TMPRSS12: variants seen among roughly 807,000 people sequenced by gnomAD.
TMPRSS12 encodes transmembrane protease serine 12.
Under a neutral mutation model 26.0 loss-of-function variants are expected in TMPRSS12, and 25 were observed. That is an observed-to-expected ratio of 0.96 (90% CI 0.70 to 1.34). The LOEUF is 1.34. Among genes scored for constraint, TMPRSS12 ranks in the 40% most tolerant of loss-of-function variants. TMPRSS12 has a pLI of 0.00. For missense variants in TMPRSS12, 441 were observed against 440.1 expected (o/e 1.00, Z -0.02); for synonymous variants, 150 against 161.7 (o/e 0.93, Z 0.55).
At chr12:50,872,962 T>C (rs1223216057) in intron 3 of TMPRSS12, among the ~76,000 whole-genome samples, 1 of 150,114 alleles carries the variant, frequency 6.7e-6, no homozygotes, top group Non-Finnish European at 1.5e-5. Flanking sequence ...CGTATATATA[T>C]GTACATATAT....
At chr12:50,857,264 G>A (rs1460140401) in intron 2 of TMPRSS12, among the ~76,000 whole-genome samples, 1 of 151,992 alleles carries the variant, frequency 6.6e-6, no homozygotes, top group Non-Finnish European at 1.5e-5. Context: ...AAATTTCTGT[G>A]GTAAATATTT....
At chr12:50,876,201 T>A (rs1352062279) in intron 3 of TMPRSS12, among the ~76,000 whole-genome samples, 1 of 152,116 alleles carries the variant, frequency 6.6e-6, no homozygotes, top group Non-Finnish European at 1.5e-5. Context: ...CATAATGAGA[T>A]ACTATCTCAC....
intron 3 of TMPRSS12, among the ~76,000 whole-genome samples, chr12:50,863,248 C>G (rs894365350): frequency 6.6e-6 from 1 of 151,984 alleles, no homozygotes; most frequent in Non-Finnish European, 1.5e-5. Context: ...AGTAGACTTA[C>G]AGCAGAGAAG....
intron 3 of TMPRSS12, among the ~76,000 whole-genome samples, chr12:50,868,322 CA>C (rs1179510528): frequency 1.3e-5 from 2 of 152,070 alleles, no homozygotes; most frequent in African/African-American, 2.4e-5. Flanking sequence ...TGCAAATGGA[CA>C]CCAAAAGAGA....
At chr12:50,882,630 CAAAACGAAT>C (rs1458733543) in intron 3 of TMPRSS12, among the ~76,000 whole-genome samples, 1 of 25,010 alleles carries the variant, frequency 4.0e-5, no homozygotes, top group East Asian at 1.5e-3. Context: ...AGTACTTAGA[CAAAACGAAT>C]AAATTCCTTT....
rs963759979 is a variant in TMPRSS12 at position 50,887,794 on chromosome 12, T to C, written c.*281T>C. ...TTCAGTTAAACATATATTTTATGTG[T>C]ATAAATGCCAAATAATAGTTTATAA... On this transcript the variant is annotated 3_prime_UTR_variant, in exon 5 of 5. Coordinates refer to ENST00000398458, the MANE Select transcript of TMPRSS12 (RefSeq NM_182559.3). 21 of 233,262 alleles carry C rather than the reference T, an allele frequency of 9.0e-5. No individual in the cohort carries two copies. Among genetic ancestry groups the C allele is most frequent in the Non-Finnish European group, 1.5e-4 (18 of 122,574 alleles). The allele number at this position is 233,262 out of a possible 1,614,324, so 14.4% of individuals were successfully genotyped here.
chr12:50,882,002 T>A (rs1452079750), intron 3 of TMPRSS12, among the ~76,000 whole-genome samples: 11 of 11,930 alleles, frequency 9.2e-4, no homozygotes, highest in African/African-American at 1.4e-3. Flanking sequence ...AAAAAAAATA[T>A]ATATATATAT....
intron 3 of TMPRSS12, among the ~76,000 whole-genome samples, chr12:50,876,673 G>A (rs36027108): frequency 0.27 from 41,366 of 151,660 alleles, 6,171 homozygotes; most frequent in South Asian, 0.34. Flanking sequence ...GTGTGGTGGC[G>A]GGCGCCTGTA....
intron 3 of TMPRSS12, among the ~76,000 whole-genome samples, chr12:50,873,721 G>A (rs1938088613): frequency 6.6e-6 from 1 of 152,184 alleles, no homozygotes; most frequent in Non-Finnish European, 1.5e-5. Context: ...GGATAAGTTT[G>A]CTACTGGCAT....
At chr12:50,883,116 G>T (rs1460786010) in intron 3 of TMPRSS12, among the ~76,000 whole-genome samples, 1 of 152,120 alleles carries the variant, frequency 6.6e-6, no homozygotes, top group Admixed American at 6.6e-5. Context: ...CTTGCTTGAG[G>T]CCAGGAGTTC....
intron 3 of TMPRSS12, among the ~76,000 whole-genome samples, chr12:50,881,874 G>A (rs1024757561): frequency 1.8e-4 from 27 of 147,874 alleles, no homozygotes; most frequent in Admixed American, 5.4e-4. Flanking sequence ...GGGAGGCTGG[G>A]GCAGGAGAAT....
intron 2 of TMPRSS12, among the ~76,000 whole-genome samples, chr12:50,850,773 G>A (rs860476): frequency 0.65 from 98,502 of 151,950 alleles, 32,232 homozygotes; most frequent in Non-Finnish European, 0.7. Context: ...GCCACTGCCC[G>A]GACAAAGTGC....
At chr12:50,844,581 G>T (rs367760527) in intron 2 of TMPRSS12, among the ~76,000 whole-genome samples, 2 of 151,948 alleles carry the variant, frequency 1.3e-5, no homozygotes, top group Non-Finnish European at 2.9e-5. Context: ...CACCATGTTG[G>T]CCAGGCTGGT....
chr12:50,864,841 A>G (rs1937975521), intron 3 of TMPRSS12, among the ~76,000 whole-genome samples: 1 of 151,802 alleles, frequency 6.6e-6, no homozygotes, highest in South Asian at 2.1e-4. Context: ...GTGTGTTTTT[A>G]GTAGAGACAG....
intron 3 of TMPRSS12, among the ~76,000 whole-genome samples, chr12:50,876,758 C>A (rs1232892846): frequency 4.4e-5 from 6 of 135,440 alleles, no homozygotes; most frequent in Admixed American, 4.1e-4. Flanking sequence ...GAGCAGAGAT[C>A]GTGCCACTGC....
At chr12:50,867,890 G>T (rs1368697785) in intron 3 of TMPRSS12, among the ~76,000 whole-genome samples, 1 of 152,136 alleles carries the variant, frequency 6.6e-6, no homozygotes, top group African/African-American at 2.4e-5. Flanking sequence ...CACGTGTAAA[G>T]GAGAGATAGA....
At chr12:50,857,997 T>A (rs1442864385) in intron 2 of TMPRSS12, among the ~76,000 whole-genome samples, 1 of 151,966 alleles carries the variant, frequency 6.6e-6, no homozygotes, top group Admixed American at 6.6e-5. Flanking sequence ...CCCGGCTAAT[T>A]TTTTTGTTGT....
intron 1 of TMPRSS12, among the ~76,000 whole-genome samples, chr12:50,843,498 A>C (rs990558465): frequency 1.3e-5 from 2 of 152,230 alleles, no homozygotes; most frequent in Non-Finnish European, 2.9e-5. Context: ...GGTGAGCATT[A>C]GAATTTGCGG....
Position 50,887,400 on chromosome 12 carries a change from T to C in TMPRSS12, c.934T>C (p.Trp312Arg). Residue 312 changes from tryptophan (W) to arginine (R), a missense_variant, in exon 5 of 5, where the codon TGG (tryptophan) becomes CGG (arginine). By Grantham distance (101) the Trp-to-Arg change is moderately radical. Transcript: ENST00000398458. ...TATTGGGCCATCCTTCTACCAAAAG[T>C]GGCTGACAGAGCATTTCTTCCATGC... ...VYIGPSFYQK[W>R]LTEHFFHAST... is the part of the protein sequence containing the mutation. The C allele has an allele frequency of 6.2e-7, 1 of 1,613,932 alleles. No individual in the cohort carries two copies. The highest frequency in any genetic ancestry group is 8.5e-7 in the Non-Finnish European group (1 of 1,179,866).
Sources: gnomAD v4.1 joint callset for allele counts (sites outside exome capture counted in the v4.1 genomes callset) on GRCh38, gnomAD v4.1.1 for gene constraint, MANE v1.5 for transcripts, NCBI Gene and HGNC (gene_info 2026-07-23, HGNC 2026-07-21) for gene names.